Variants in USP34 observed in about 807,000 individuals in gnomAD.
USP34 encodes the protein ubiquitin specific peptidase 34.
In USP34, 70 loss-of-function variants were observed where a neutral mutation model predicts 460.3. That is an observed-to-expected ratio of 0.15 (90% CI 0.13 to 0.19). The LOEUF is 0.19. USP34 is among the 10% of genes least tolerant of loss of function. The probability of loss-of-function intolerance (pLI) is 1.00; values close to 1 mark genes in which losing one functional copy is unlikely to be tolerated. For missense variants in USP34, 3,985 were observed against 4,236.2 expected (o/e 0.94, Z 1.65); for synonymous variants, 1,647 against 1,405.3 (o/e 1.17, Z -3.85).
At chr2:61,279,093 A>G (rs905373771) in intron 39 of USP34, among the ~76,000 whole-genome samples, 1 of 151,778 alleles carries the variant, frequency 6.6e-6, no homozygotes, top group Admixed American at 6.6e-5. Context: ...GGGCAAGCCC[A>G]GGTTGTTTTT....
In USP34 at chr2:61,248,492, A is replaced by C; in HGVS notation, c.6394+19T>G. 1.3e-6 allele frequency: 2 copies of C among 1,537,584 alleles called. No homozygotes were observed. The highest frequency in any genetic ancestry group is 1.8e-6 in the Non-Finnish European group (2 of 1,136,668). Reference sequence around the variant, plus strand: ...GATTGACAATAATCACAGACAAGAGAAAGAAATGAAAAAATCACCTTCTTT... The same window carrying C: ...GATTGACAATAATCACAGACAAGAGCAAGAAATGAAAAAATCACCTTCTTT... On this transcript the variant is annotated intron_variant, in intron 49 of 79. Coordinates refer to ENST00000398571, the MANE Select transcript of USP34 (RefSeq NM_014709.4).
chr2:61,350,184 T>C (rs377539752), intron 12 of USP34, 76 bp downstream of exon 12: 105 of 1,430,676 alleles, frequency 7.3e-5, no homozygotes, highest in Non-Finnish European at 6.7e-5. Flanking sequence ...TTGAACTGAA[T>C]GTATTAGCAG....
At chr2:61,350,184 T>G (rs377539752) in intron 12 of USP34, 76 bp downstream of exon 12, 140 of 1,430,794 alleles carry the variant, frequency 9.8e-5, no homozygotes, top group African/African-American at 7.8e-4. Flanking sequence ...TTGAACTGAA[T>G]GTATTAGCAG....
In USP34 at chr2:61,380,312, T is replaced by C. The variant is rs912588093; in HGVS notation, c.871A>G (p.Asn291Asp). The change falls in exon 7 of 80, where the codon AAC becomes GAC. Residue 291 changes from asparagine to aspartate, a missense_variant. Around this residue, in one of 14 missense-constraint regions of USP34, gnomAD observed 70 missense variants for 109.5 expected, o/e 0.64. Coordinates refer to ENST00000398571, the MANE Select transcript of USP34 (RefSeq NM_014709.4). ...GTGCTCCACATTAAGTCAGCCATGT[T>C]ACGAGCTGCACTCTGTCGTAACTCC... is the stretch of plus-strand genomic sequence containing the variant. ...DQELRQSAAR[N>D]MADLMWSTVK... 6.2e-7 allele frequency: 1 copy of C among 1,614,136 alleles called. No homozygotes were observed.
At chr2:61,316,137 C>T (rs1690738342) in intron 23 of USP34, among the ~76,000 whole-genome samples, 1 of 151,742 alleles carries the variant, frequency 6.6e-6, no homozygotes. Context: ...ACCTGGGAGG[C>T]GGAGGTTGCA....
At chr2:61,463,570 A>C (rs1247316981) in intron 1 of USP34, among the ~76,000 whole-genome samples, 1 of 152,020 alleles carries the variant, frequency 6.6e-6, no homozygotes, top group Non-Finnish European at 1.5e-5. Flanking sequence ...AGGATGGCTC[A>C]CACCCCTAAA....
At chr2:61,266,918 C>T (rs930411520) in intron 41 of USP34, among the ~76,000 whole-genome samples, 3 of 152,186 alleles carry the variant, frequency 2.0e-5, no homozygotes, top group Non-Finnish European at 4.4e-5. Flanking sequence ...CTGTGCCTAA[C>T]GGGTTTATGC....
chr2:61,375,958 A>G (rs1692787892), intron 8 of USP34, among the ~76,000 whole-genome samples: 1 of 152,170 alleles, frequency 6.6e-6, no homozygotes, highest in South Asian at 2.1e-4. Context: ...AAAAGAAGCC[A>G]GAAGAAAATG....
At chr2:61,212,151 T>C (rs370787941) in intron 68 of USP34, among the ~76,000 whole-genome samples, 119 of 152,196 alleles carry the variant, frequency 7.8e-4, no homozygotes, top group Non-Finnish European at 7.8e-4. Context: ...GGCGGGCAGA[T>C]TGCCTGAACT....
At position 61,311,635 on chromosome 2, in the gene USP34, A is replaced by G; in HGVS notation, c.3722T>C (p.Val1241Ala). The stretch of plus-strand genomic sequence containing the variant: ...CTGTAAATTTTCATACCAATGAGTT[A>G]CTTCAGCCCTAAGATCTGCTACCTG... ...SDQVADLRAEVTHWYENLQKE... is the reference protein window; with the variant it reads ...SDQVADLRAEATHWYENLQKE... Residue 1241 changes from valine (V) to alanine (A), a missense_variant, in exon 27 of 80, where the codon GTA becomes GCA. Transcript: ENST00000398571. The G allele has an allele frequency of 6.2e-7, 1 of 1,613,786 alleles. No individual in the cohort carries two copies. The highest frequency in any genetic ancestry group is 8.5e-7 in the Non-Finnish European group (1 of 1,179,902).
In USP34 at chr2:61,311,522, T is replaced by G. The variant is rs1192034784; in HGVS notation, c.3817+18A>C. On this transcript the variant is annotated intron_variant, in intron 27 of 79. Coordinates refer to ENST00000398571, the MANE Select transcript of USP34 (RefSeq NM_014709.4). ...AAAGAGAGAAAGAGAAAGAGAAAAT[T>G]TGAATTGAAAGGCTTACCAGGAAAC... 6.7e-6 allele frequency: 8 copies of G among 1,197,538 alleles called. No individual in the cohort carries two copies. The highest frequency in any genetic ancestry group is 8.7e-6 in the Non-Finnish European group (8 of 917,464). 74.2% of individuals were successfully genotyped at this position (1,197,538 alleles called of 1,614,324 possible).
At chr2:61,220,032 T>A (rs1237458045) in intron 67 of USP34, among the ~76,000 whole-genome samples, 1 of 151,592 alleles carries the variant, frequency 6.6e-6, no homozygotes. Flanking sequence ...AAGACAGGAT[T>A]TTCAAACCTT....
chr2:61,419,302 C>T (rs1261917804), intron 2 of USP34, among the ~76,000 whole-genome samples: 1 of 151,874 alleles, frequency 6.6e-6, no homozygotes, highest in Admixed American at 6.6e-5. Context: ...CATGAGCCAC[C>T]ACACCCGGCC....
intron 23 of USP34, among the ~76,000 whole-genome samples, chr2:61,315,590 G>T (rs1690719062): frequency 6.6e-6 from 1 of 151,954 alleles, no homozygotes; most frequent in Admixed American, 6.6e-5. Context: ...GGCCAGGCTG[G>T]TCTCGAACTC....
intron 1 of USP34, among the ~76,000 whole-genome samples, chr2:61,461,906 CAG>C (rs1695612265): frequency 6.6e-6 from 1 of 152,020 alleles, no homozygotes; most frequent in African/African-American, 2.4e-5. Context: ...GAACTGGAAA[CAG>C]ATATATTAAA....
At chr2:61,436,397 G>C (rs747141815) in intron 1 of USP34, among the ~76,000 whole-genome samples, 3 of 152,184 alleles carry the variant, frequency 2.0e-5, no homozygotes, top group Non-Finnish European at 4.4e-5. Context: ...CCAAAAGTGA[G>C]CTGGGGTAGC....
At chr2:61,354,610 G>A (rs904153544) in intron 10 of USP34, among the ~76,000 whole-genome samples, 1 of 152,196 alleles carries the variant, frequency 6.6e-6, no homozygotes, top group Non-Finnish European at 1.5e-5. Flanking sequence ...TAGCACTGGG[G>A]CAGCCAGGGC....
rs182311027 is a variant in USP34, at chr2:61,277,897, G to A, written c.5433+268C>T. 1.4e-4 allele frequency: 51 copies of A among 360,530 alleles called. No homozygotes were observed. In the East Asian group the frequency reaches 2.3e-3, roughly 16 times the overall value. The allele number at this position is 360,530 out of a possible 1,614,324, so 22.3% of individuals were successfully genotyped here. A position where few individuals can be genotyped will look rare whatever the true frequency, so the allele number is the denominator to read the frequency against. On this transcript the variant is annotated intron_variant, in intron 41 of 79. Transcript: ENST00000398571. ...TCTGATGGTTTTATAAGGAGAAACC[G>A]CTTTCGCTTGGTTCTCATTCTTTTT...
chr2:61,237,159 T>A (rs554592333), intron 53 of USP34, among the ~76,000 whole-genome samples: 2 of 152,300 alleles, frequency 1.3e-5, no homozygotes, highest in Admixed American at 1.3e-4. Flanking sequence ...GTCTAATCAG[T>A]GAATAGCCGG....
Sources: allele counts gnomAD v4.1 joint callset (sites outside exome capture counted in the v4.1 genomes callset), GRCh38; gene constraint gnomAD v4.1.1; regional missense constraint gnomAD v4.1.1; transcripts MANE v1.5; gene names NCBI Gene and HGNC (gene_info 2026-07-23, HGNC 2026-07-21).